The following GLIPR1L1 variants were observed in gnomAD, a reference collection of about 807,000 sequenced individuals.
GLIPR1L1 encodes GLIPR1-like protein 1.
Under a neutral mutation model 29.9 loss-of-function variants are expected in GLIPR1L1, and 26 were observed. The observed-to-expected ratio is 0.87, with a 90% confidence interval of 0.64 to 1.21. GLIPR1L1 has a LOEUF of 1.21. Ranked by LOEUF, GLIPR1L1 falls within the 50% of genes most tolerant of loss-of-function variation. GLIPR1L1 has a pLI of 0.00. For missense variants in GLIPR1L1, 305 were observed against 290.3 expected (o/e 1.05, Z -0.37); for synonymous variants, 77 against 97.5 (o/e 0.79, Z 1.24).
At chr12:75,357,302 TAATC>T (rs2043217474) in intron 3 of GLIPR1L1, among the ~76,000 whole-genome samples, 1 of 152,164 alleles carries the variant, frequency 6.6e-6, no homozygotes, top group Non-Finnish European at 1.5e-5. Flanking sequence ...TTGGGTTAAT[TAATC>T]AAGAGAACAT....
chr12:75,356,037 T>A (rs1482382859), intron 3 of GLIPR1L1, among the ~76,000 whole-genome samples: 1 of 152,094 alleles, frequency 6.6e-6, no homozygotes, highest in East Asian at 1.9e-4. Context: ...CTGGGCTTAA[T>A]ACCTGGGTGA....
intron 3 of GLIPR1L1, among the ~76,000 whole-genome samples, chr12:75,352,232 C>G (rs60691722): frequency 1.3e-5 from 2 of 152,182 alleles, no homozygotes; most frequent in African/African-American, 4.8e-5. Context: ...AAAGAGCCAA[C>G]ATCCATCAGT....
chr12:75,338,315 A>T (rs1012813972), intron 1 of GLIPR1L1, among the ~76,000 whole-genome samples: 1 of 152,156 alleles, frequency 6.6e-6, no homozygotes, highest in Non-Finnish European at 1.5e-5. Context: ...ATCAGGAACA[A>T]AACTGGAAAC....
chr12:75,344,578 T>A (rs1189042778), intron 2 of GLIPR1L1, among the ~76,000 whole-genome samples: 2 of 152,174 alleles, frequency 1.3e-5, no homozygotes, highest in Admixed American at 1.3e-4. Flanking sequence ...CTGCTAGCTC[T>A]AGTATCTATG....
intron 1 of GLIPR1L1, among the ~76,000 whole-genome samples, chr12:75,343,325 C>T (rs998925690): frequency 3.3e-5 from 5 of 151,778 alleles, no homozygotes; most frequent in South Asian, 2.1e-4. Context: ...GTTTTTTGCC[C>T]TTTTTAATTA....
At chr12:75,339,947 A>C (rs1184159312) in intron 1 of GLIPR1L1, among the ~76,000 whole-genome samples, 1 of 152,062 alleles carries the variant, frequency 6.6e-6, no homozygotes, top group East Asian at 1.9e-4. Context: ...CCCAAAGTCC[A>C]TCATTCTTAT....
rs752934914 is a variant in GLIPR1L1, at chr12:75,343,778, A to T, written c.260A>T (p.Tyr87Phe). The change falls in exon 2 of 6, where the codon TAT becomes TTT. Residue 87 changes from tyrosine (Y) to phenylalanine (F), a missense_variant. By Grantham distance (22) the Tyr-to-Phe change is conservative (BLOSUM62 3). Coordinates refer to ENST00000378695, the MANE Select transcript of GLIPR1L1 (RefSeq NM_001304964.2). ...CATAATGACTGTTTGGATAAATCAT[A>T]TAAATGCTATGCAGCTTTTGAATAT... ...FEHNDCLDKS[Y>F]KCYAAFEYVG... 1.2e-6 allele frequency: 2 copies of T among 1,612,884 alleles called. No homozygotes were observed. The highest frequency in any genetic ancestry group is 1.7e-6 in the Non-Finnish European group (2 of 1,179,152).
chr12:75,358,239 A>C (rs1329007717), intron 3 of GLIPR1L1, among the ~76,000 whole-genome samples: 1 of 151,818 alleles, frequency 6.6e-6, no homozygotes, highest in East Asian at 1.9e-4. Context: ...AAATGAGAGA[A>C]TTGTTCAAAA....
At chr12:75,346,165 T>C (rs2042431058) in intron 2 of GLIPR1L1, among the ~76,000 whole-genome samples, 1 of 152,206 alleles carries the variant, frequency 6.6e-6, no homozygotes, top group African/African-American at 2.4e-5. Flanking sequence ...AGTCACAATT[T>C]AGATAAAATT....
intron 2 of GLIPR1L1, among the ~76,000 whole-genome samples, chr12:75,346,053 C>T (rs978598337): frequency 6.6e-6 from 1 of 152,100 alleles, no homozygotes; most frequent in Non-Finnish European, 1.5e-5. Flanking sequence ...AGAGTTACAT[C>T]CAATGTTCAT....
chr12:75,338,769 C>A (rs1414200801), intron 1 of GLIPR1L1, among the ~76,000 whole-genome samples: 1 of 152,134 alleles, frequency 6.6e-6, no homozygotes, highest in African/African-American at 2.4e-5. Context: ...CTTCTGCCTA[C>A]AGGCCCCAAT....
chr12:75,362,975 G>C (rs2043710426), intron 3 of GLIPR1L1, 127 bp from the exon 4 acceptor site: 3 of 515,664 alleles, frequency 5.8e-6, no homozygotes, highest in Non-Finnish European at 1.1e-5. Context: ...ATAAAATTGA[G>C]ACATTATTAT....
At chr12:75,366,953 A>C (rs1408689113) in intron 4 of GLIPR1L1, 1 of 701,764 alleles carries the variant, frequency 1.4e-6, no homozygotes, top group African/African-American at 1.7e-5. Flanking sequence ...GTCCCCAGTC[A>C]CCCAAGGGGC....
intron 2 of GLIPR1L1, 52 bp downstream of exon 2, chr12:75,343,990 T>G (rs1251938987): frequency 1.4e-6 from 2 of 1,438,714 alleles, no homozygotes; most frequent in African/African-American, 2.9e-5. Flanking sequence ...ATATTTTAAT[T>G]GCCAGAATTT....
Position 75,343,812 on chromosome 12 carries a change from A to G in GLIPR1L1, c.294A>G (p.Glu98=). The change falls in exon 2 of 6, where the codon GAA becomes GAG. Residue 98 remains glutamate (E), a synonymous_variant. Transcript: ENST00000378695. ...ATGCAGCTTTTGAATATGTTGGAGA[A>G]AATATCTGGTTAGGTGGAATAAAGT... is the stretch of plus-strand genomic sequence containing the variant. ...KCYAAFEYVG[E]NIWLGGIKSF... The G allele has an allele frequency of 1.9e-6, 3 of 1,613,578 alleles. No individual in the cohort carries two copies. Among genetic ancestry groups the G allele is most frequent in the Non-Finnish European group, 1.7e-6 (2 of 1,179,632 alleles).
At chr12:75,355,417 T>A (rs928871915) in intron 3 of GLIPR1L1, among the ~76,000 whole-genome samples, 1 of 152,196 alleles carries the variant, frequency 6.6e-6, no homozygotes, top group Non-Finnish European at 1.5e-5. Flanking sequence ...AAAATCGCAG[T>A]TAGATACCAT....
intron 1 of GLIPR1L1, among the ~76,000 whole-genome samples, chr12:75,340,779 G>A (rs563482819): frequency 4.6e-5 from 7 of 150,716 alleles, no homozygotes; most frequent in African/African-American, 1.7e-4. Flanking sequence ...ACAGAAGACT[G>A]ACATTTAGCC....
intron 3 of GLIPR1L1, among the ~76,000 whole-genome samples, chr12:75,351,027 A>G (rs1024403219): frequency 5.3e-5 from 8 of 152,230 alleles, no homozygotes; most frequent in Non-Finnish European, 7.3e-5. Context: ...GCTGTAAAAC[A>G]CAACACAAGA....
At chr12:75,362,543 A>G (rs556363529) in intron 3 of GLIPR1L1, among the ~76,000 whole-genome samples, 64 of 152,324 alleles carry the variant, frequency 4.2e-4, no homozygotes, top group African/African-American at 1.5e-3. Context: ...TTAATGGAAT[A>G]CTACTCATGT....
Sources: allele counts gnomAD v4.1 joint callset (sites outside exome capture counted in the v4.1 genomes callset), GRCh38; gene constraint gnomAD v4.1.1; transcripts MANE v1.5; gene names NCBI Gene and HGNC (gene_info 2026-07-23, HGNC 2026-07-21).